RANBP2: variants seen among roughly 807,000 people sequenced by gnomAD.
RANBP2 encodes the protein E3 SUMO-protein ligase RanBP2.
A neutral mutation model predicts 303.6 loss-of-function variants in RANBP2; 57 were observed. The observed-to-expected ratio is 0.19, with a 90% CI of 0.15 to 0.23. The LOEUF (loss-of-function observed/expected upper bound fraction) is 0.23. Among genes scored for constraint, RANBP2 ranks in the 10% least tolerant of loss-of-function variants. The pLI is 1.00. For synonymous variants in RANBP2, 1,167 were observed against 1,301.5 expected, an observed-to-expected ratio of 0.90 and a Z score of 2.23; for missense variants, 3,138 against 3,780.8, an observed-to-expected ratio of 0.83 and a Z score of 4.46.
the RANBP2 span, among the ~76,000 whole-genome samples, chr2:109,330,446 A>G: frequency 2.0e-5 from 3 of 152,074 alleles, no homozygotes; most frequent in Non-Finnish European, 4.4e-5. Flanking sequence ...TCGATACATT[A>G]TGACTCTAAA....
At chr2:108,943,766 C>T in the RANBP2 span, among the ~76,000 whole-genome samples, 34 of 152,216 alleles carry the variant, frequency 2.2e-4, no homozygotes, top group Admixed American at 1.6e-3. Context: ...CTGAGCACCC[C>T]TCCTTTCTCC....
At chr2:109,513,859 A>G in the RANBP2 span, among the ~76,000 whole-genome samples, 2 of 152,110 alleles carry the variant, frequency 1.3e-5, no homozygotes, top group Non-Finnish European at 2.9e-5. Flanking sequence ...CCACATTCTA[A>G]CTTCAGCATC....
chr2:109,652,581 A>T, the RANBP2 span, among the ~76,000 whole-genome samples: 1 of 152,190 alleles, frequency 6.6e-6, no homozygotes, highest in Non-Finnish European at 1.5e-5. Flanking sequence ...CAACAAAAGA[A>T]GGAAGTCACG....
the RANBP2 span, among the ~76,000 whole-genome samples, chr2:108,844,851 G>T: frequency 6.0e-5 from 9 of 151,088 alleles, no homozygotes; most frequent in Non-Finnish European, 1.0e-4. Context: ...AGGTTCAAGC[G>T]ATTCTCCTGC....
the RANBP2 span, among the ~76,000 whole-genome samples, chr2:109,693,589 C>G: frequency 6.6e-6 from 1 of 152,204 alleles, no homozygotes; most frequent in Admixed American, 6.5e-5. Flanking sequence ...TCTTATTTCT[C>G]TCTCTTGCCT....
At chr2:109,688,781 T>TTA in the RANBP2 span, among the ~76,000 whole-genome samples, 6 of 43,726 alleles carry the variant, frequency 1.4e-4, 1 homozygote, top group African/African-American at 4.3e-4. Context: ...TCTGTCTCAA[T>TTA]AAAAAAAAAA....
chr2:109,214,450 A>T, the RANBP2 span, among the ~76,000 whole-genome samples: 1 of 151,294 alleles, frequency 6.6e-6, no homozygotes, highest in Admixed American at 6.6e-5. Context: ...TAAAGTATTA[A>T]AAAAAAAGAG....
chr2:109,288,017 CT>C, the RANBP2 span, among the ~76,000 whole-genome samples: 2 of 135,886 alleles, frequency 1.5e-5, no homozygotes, highest in African/African-American at 2.6e-5. Flanking sequence ...ATCCCATGGC[CT>C]TTTGGCTGAC....
At chr2:108,918,599 G>A in the RANBP2 span, among the ~76,000 whole-genome samples, 10 of 152,294 alleles carry the variant, frequency 6.6e-5, no homozygotes, top group South Asian at 2.1e-4. Context: ...GCGGGGACTG[G>A]TTCTGCCTAC....
chr2:109,595,156 G>A, the RANBP2 span, among the ~76,000 whole-genome samples: 63 of 152,240 alleles, frequency 4.1e-4, no homozygotes, highest in African/African-American at 1.4e-3. Context: ...CAAAGTGCTG[G>A]GATTACAGGC....
chr2:109,160,032 A>G, the RANBP2 span, among the ~76,000 whole-genome samples: 18 of 152,354 alleles, frequency 1.2e-4, no homozygotes, highest in African/African-American at 3.8e-4. Context: ...CGCCAGGTCC[A>G]TGGAAAAGTC....
At chr2:109,371,495 C>T in the RANBP2 span, 4 of 1,019,698 alleles carry the variant, frequency 3.9e-6, no homozygotes, top group African/African-American at 3.2e-5. Flanking sequence ...GAATCTCTTC[C>T]GAGCCTCCAC....
chr2:109,267,517 C>G, the RANBP2 span, among the ~76,000 whole-genome samples: 1 of 152,168 alleles, frequency 6.6e-6, no homozygotes, highest in African/African-American at 2.4e-5. Context: ...TTTGTGCTTG[C>G]TTCTTTGATC....
chr2:109,494,489 G>T, the RANBP2 span, among the ~76,000 whole-genome samples: 1 of 134,770 alleles, frequency 7.4e-6, no homozygotes, highest in African/African-American at 2.6e-5. Context: ...CTGACTCCTC[G>T]GGCTGGGACA....
chr2:109,344,374 GCT>G, the RANBP2 span, among the ~76,000 whole-genome samples: 1,643 of 152,282 alleles, frequency 0.011, 22 homozygotes, highest in Middle Eastern at 0.027. Context: ...GTAGCATGGA[GCT>G]CTGTCTGCAA....
intron 25 of RANBP2, 81 bp from the exon 26 acceptor site, chr2:108,781,188 A>T: frequency 7.5e-7 from 1 of 1,329,030 alleles, no homozygotes; most frequent in Non-Finnish European, 1.1e-6. Flanking sequence ...ATCAGGAATT[A>T]GAGGGATTGA....
the RANBP2 span, chr2:108,882,793 T>TA: frequency 2.6e-5 from 4 of 152,126 alleles, no homozygotes; most frequent in South Asian, 4.2e-4. Context: ...CACTGAGAGG[T>TA]AAGCACCTGA....
chr2:108,798,427 G>A, the RANBP2 span: 1 of 1,611,006 alleles, frequency 6.2e-7, no homozygotes, highest in African/African-American at 1.3e-5. Context: ...TTTTGATACA[G>A]TGTGAAACTG....
the RANBP2 span, among the ~76,000 whole-genome samples, chr2:109,654,034 T>A: frequency 6.6e-6 from 1 of 152,148 alleles, no homozygotes; most frequent in African/African-American, 2.4e-5. Flanking sequence ...AACAGGAATT[T>A]CCTTGCAAGG....
Sources: allele counts gnomAD v4.1 joint callset (sites outside exome capture counted in the v4.1 genomes callset), GRCh38; gene constraint gnomAD v4.1.1; transcripts MANE v1.5; gene names NCBI Gene and HGNC (gene_info 2026-07-23, HGNC 2026-07-21).